The following LHFPL3 variants were observed in gnomAD, a reference collection of about 807,000 sequenced individuals.
LHFPL3 encodes the protein LHFPL tetraspan subfamily member 3, also known as LHFPL tetraspan subfamily member 3 protein.
Under a neutral mutation model 19.3 loss-of-function variants are expected in LHFPL3, and 5 were observed. That is an observed-to-expected ratio of 0.26 (90% CI 0.14 to 0.54). The LOEUF is 0.54. LHFPL3 is among the 20% of genes least tolerant of loss of function. The pLI, the probability that LHFPL3 is intolerant of heterozygous loss-of-function variation, is 0.94. For synonymous variants in LHFPL3, 133 were observed against 126.2 expected, an observed-to-expected ratio of 1.05 and a Z score of -0.36; for missense variants, 249 against 307.4, an observed-to-expected ratio of 0.81 and a Z score of 1.42.
intron 1 of LHFPL3, among the ~76,000 whole-genome samples, chr7:104,353,963 T>G (rs1366007749): frequency 6.6e-6 from 1 of 152,174 alleles, no homozygotes; most frequent in African/African-American, 2.4e-5. Flanking sequence ...CCTTTTATTC[T>G]TATTTCCTCA....
chr7:104,793,599 A>G (rs1290719229), intron 2 of LHFPL3, among the ~76,000 whole-genome samples: 1 of 152,228 alleles, frequency 6.6e-6, no homozygotes, highest in Non-Finnish European at 1.5e-5. Flanking sequence ...CAGTCATTAG[A>G]GTGACCGAGC....
chr7:104,853,106 G>A (rs1791441763), intron 2 of LHFPL3, among the ~76,000 whole-genome samples: 1 of 152,248 alleles, frequency 6.6e-6, no homozygotes, highest in Non-Finnish European at 1.5e-5. Flanking sequence ...CAGTGTGTCT[G>A]GTGGACAGTG....
chr7:104,623,170 G>T (rs1453169846), intron 1 of LHFPL3: 3 of 168,418 alleles, frequency 1.8e-5, no homozygotes, highest in African/African-American at 7.2e-5. Context: ...ATACTAATTT[G>T]ATATCCGATT....
At chr7:104,901,943 G>A (rs1442920579) in intron 2 of LHFPL3, among the ~76,000 whole-genome samples, 2 of 152,062 alleles carry the variant, frequency 1.3e-5, no homozygotes, top group Admixed American at 1.3e-4. Context: ...TTATACCCTA[G>A]ACACTCACTT....
At chr7:104,863,192 C>T (rs1021049270) in intron 2 of LHFPL3, among the ~76,000 whole-genome samples, 7 of 152,120 alleles carry the variant, frequency 4.6e-5, no homozygotes, top group Non-Finnish European at 1.0e-4. Context: ...CCTTGATCTC[C>T]ATTTGACTTA....
intron 1 of LHFPL3, among the ~76,000 whole-genome samples, chr7:104,376,198 A>G (rs2188493): frequency 0.67 from 101,207 of 152,160 alleles, 34,123 homozygotes; most frequent in African/African-American, 0.74. Context: ...TTAATTTACC[A>G]AATCATTTAC....
intron 1 of LHFPL3, among the ~76,000 whole-genome samples, chr7:104,567,347 G>A (rs985694049): frequency 6.6e-6 from 1 of 152,184 alleles, no homozygotes; most frequent in African/African-American, 2.4e-5. Context: ...AGATGCTACT[G>A]GCTTGACAGA....
chr7:104,587,234 A>G (rs1790598700), intron 1 of LHFPL3, among the ~76,000 whole-genome samples: 1 of 152,100 alleles, frequency 6.6e-6, no homozygotes, highest in Non-Finnish European at 1.5e-5. Flanking sequence ...TGCATCATTT[A>G]CATTAGGTGT....
intron 2 of LHFPL3, among the ~76,000 whole-genome samples, chr7:104,792,194 G>C (rs1046958888): frequency 1.3e-5 from 2 of 152,170 alleles, no homozygotes; most frequent in Non-Finnish European, 2.9e-5. Context: ...AGCATCCAAT[G>C]GATAGAGACA....
intron 1 of LHFPL3, among the ~76,000 whole-genome samples, chr7:104,378,241 G>A (rs1472007446): frequency 2.6e-5 from 4 of 152,146 alleles, no homozygotes; most frequent in African/African-American, 9.7e-5. Context: ...ATCCCCTCAT[G>A]CCTGACCTCA....
At chr7:104,802,175 C>T (rs1309874579) in intron 2 of LHFPL3, among the ~76,000 whole-genome samples, 1 of 152,018 alleles carries the variant, frequency 6.6e-6, no homozygotes, top group Non-Finnish European at 1.5e-5. Flanking sequence ...AGTGCTCTGT[C>T]CTCATGAATG....
At chr7:104,904,909 G>T (rs530511789) in intron 2 of LHFPL3, among the ~76,000 whole-genome samples, 5 of 152,142 alleles carry the variant, frequency 3.3e-5, no homozygotes, top group Non-Finnish European at 5.9e-5. Flanking sequence ...TAATCTATTG[G>T]AGAAAAGGAA....
At chr7:104,814,149 G>A (rs1017467479) in intron 2 of LHFPL3, among the ~76,000 whole-genome samples, 2 of 152,028 alleles carry the variant, frequency 1.3e-5, no homozygotes, top group Admixed American at 6.5e-5. Context: ...ATAAGTGTTC[G>A]GCTCCTAGCA....
intron 1 of LHFPL3, among the ~76,000 whole-genome samples, chr7:104,636,784 A>C (rs1317373011): frequency 6.6e-6 from 1 of 152,170 alleles, no homozygotes; most frequent in Admixed American, 6.5e-5. Context: ...TTAGTCTACC[A>C]CTGATGGATG....
rs143077654 is a variant in LHFPL3, at chr7:104,632,749, T to C, written c.446-103926T>C. ...GCAGCTTCAACTTCCCAAGCTCAGG[T>C]GATCCTCCCACCTCAGCCTCCAGAG... is the stretch of plus-strand genomic sequence containing the variant. On this transcript the variant is annotated intron_variant, in intron 1 of 2. Coordinates refer to ENST00000424859, the MANE Select transcript of LHFPL3 (RefSeq NM_199000.3). 3.3e-5 allele frequency among the ~76,000 whole-genome samples: 5 copies of C among 152,320 alleles called. 1 individual carries two copies. Among genetic ancestry groups the C allele is most frequent in the African/African-American group, 1.2e-4 (5 of 41,582 alleles).
At chr7:104,874,130 C>T (rs978081719) in intron 2 of LHFPL3, among the ~76,000 whole-genome samples, 2 of 152,220 alleles carry the variant, frequency 1.3e-5, no homozygotes, top group African/African-American at 4.8e-5. Context: ...GCTCTAATCT[C>T]ATTTCTCTAA....
At chr7:104,616,732 T>G (rs1791350810) in intron 1 of LHFPL3, among the ~76,000 whole-genome samples, 1 of 152,152 alleles carries the variant, frequency 6.6e-6, no homozygotes, top group African/African-American at 2.4e-5. Context: ...TTTTCCATTC[T>G]GTAGGTTGGC....
chr7:104,616,018 C>A (rs1791329110), intron 1 of LHFPL3, among the ~76,000 whole-genome samples: 1 of 152,174 alleles, frequency 6.6e-6, no homozygotes, highest in Non-Finnish European at 1.5e-5. Context: ...ACATTCCATG[C>A]TTGTGGATAG....
At chr7:104,333,617 G>C (rs1362238891) in intron 1 of LHFPL3, among the ~76,000 whole-genome samples, 1 of 152,186 alleles carries the variant, frequency 6.6e-6, no homozygotes, top group Non-Finnish European at 1.5e-5. Context: ...TATCCCGCTT[G>C]CTACCTTAAA....
Sources: allele counts gnomAD v4.1 joint callset (sites outside exome capture counted in the v4.1 genomes callset), GRCh38; gene constraint gnomAD v4.1.1; transcripts MANE v1.5; gene names NCBI Gene and HGNC (gene_info 2026-07-23, HGNC 2026-07-21).